The following COL4A2 variants were observed in gnomAD, a reference collection of about 807,000 sequenced individuals.
COL4A2 encodes the protein collagen type IV alpha 2 chain, also known as collagen alpha-2(IV) chain.
COL4A2 carries 99 observed loss-of-function variants against 200.2 expected under a neutral mutation model. The ratio of observed to expected loss-of-function variants is 0.49; its 90% CI spans 0.42 to 0.58. COL4A2 has a LOEUF of 0.58. Among genes scored for constraint, COL4A2 ranks in the 20% least tolerant of loss-of-function variants. COL4A2 has a pLI of 0.00. For missense variants in COL4A2, 1,950 were observed against 2,314.1 expected (o/e 0.84, Z 3.23); for synonymous variants, 897 against 900.6 (o/e 1.00, Z 0.07).
intron 4 of COL4A2, among the ~76,000 whole-genome samples, chr13:110,386,481 T>A (rs1323939263): frequency 1.3e-5 from 2 of 152,180 alleles, no homozygotes; most frequent in African/African-American, 4.8e-5. Context: ...ATTGGGTGTA[T>A]CCCTTAGTAT....
At chr13:110,434,252 A>G (rs993328371) in intron 11 of COL4A2, 149 bp from the exon 12 acceptor site, 2 of 686,008 alleles carry the variant, frequency 2.9e-6, no homozygotes, top group African/African-American at 3.6e-5. Context: ...ATTAGTTTCT[A>G]CAATGCAAAG....
chr13:110,508,288 C>T lies in COL4A2; in HGVS notation c.4881+67C>T, dbSNP rs1883959446. The stretch of plus-strand genomic sequence containing the variant: ...GCTGGGGACACAGCAAGAACAGCTG[C>T]CTTTGTGAGAAGAATCAGACACGGC... On this transcript the variant is annotated intron_variant, in intron 47 of 47. Transcript: ENST00000360467. The surrounding 1 kb of genome is among the most constrained non-coding windows in gnomAD (Gnocchi z 6.1). The T allele has an allele frequency of 1.3e-6, 2 of 1,581,144 alleles. No homozygotes were observed. The highest frequency in any genetic ancestry group is 1.2e-5 in the South Asian group (1 of 85,552).
At chr13:110,370,924 C>T (rs1566497614) in intron 4 of COL4A2, among the ~76,000 whole-genome samples, 1 of 152,218 alleles carries the variant, frequency 6.6e-6, no homozygotes, top group Non-Finnish European at 1.5e-5. Context: ...TCTGCATACC[C>T]TCAAGTTGAA....
At chr13:110,342,097 C>T (rs930163992) in intron 3 of COL4A2, among the ~76,000 whole-genome samples, 1 of 152,108 alleles carries the variant, frequency 6.6e-6, no homozygotes, top group East Asian at 1.9e-4. Flanking sequence ...ACCTCGGGTA[C>T]AAGATTCGGC....
chr13:110,453,482 C>T (rs1881616762), intron 20 of COL4A2, among the ~76,000 whole-genome samples: 1 of 151,816 alleles, frequency 6.6e-6, no homozygotes, highest in East Asian at 1.9e-4. Context: ...GCCTGGGGAA[C>T]AAGAGCAAAA....
At chr13:110,399,757 T>C (rs1480677276) in intron 4 of COL4A2, among the ~76,000 whole-genome samples, 2 of 152,246 alleles carry the variant, frequency 1.3e-5, no homozygotes, top group East Asian at 1.9e-4. Context: ...AATCTGATTA[T>C]GCCTGCCCTG....
At chr13:110,443,569 T>C (rs575533713) in intron 16 of COL4A2, among the ~76,000 whole-genome samples, 1 of 151,994 alleles carries the variant, frequency 6.6e-6, no homozygotes, top group Non-Finnish European at 1.5e-5. Flanking sequence ...TTCAAATGAG[T>C]GATAAGTTAT....
In COL4A2 at chr13:110,507,951, C is replaced by T; in HGVS notation, c.4611C>T (p.Cys1537=). The T allele has an allele frequency of 6.2e-7, 1 of 1,613,878 alleles. No homozygotes were observed. The highest frequency in any genetic ancestry group is 1.3e-5 in the African/African-American group (1 of 75,066). ...HNQDLGLAGS[C]LARFSTMPFL... is the part of the protein sequence containing the mutation. The stretch of plus-strand genomic sequence containing the variant: ...CTTCCACAGGGCTGGCGGGCTCCTG[C>T]CTGGCGCGGTTCAGCACCATGCCCT... The change falls in exon 47 of 48, where the codon TGC becomes TGT. Residue 1537 remains cysteine (C), a synonymous_variant. Coordinates refer to ENST00000360467, the MANE Select transcript of COL4A2 (RefSeq NM_001846.4).
intron 22 of COL4A2, among the ~76,000 whole-genome samples, chr13:110,461,084 C>T (rs1882009483): frequency 6.6e-6 from 1 of 152,246 alleles, no homozygotes; most frequent in Non-Finnish European, 1.5e-5. Flanking sequence ...GTACCCTGCT[C>T]ATCGTGGAAA....
chr13:110,506,120 G>A (rs1220237403), intron 45 of COL4A2, among the ~76,000 whole-genome samples: 1 of 152,192 alleles, frequency 6.6e-6, no homozygotes, highest in African/African-American at 2.4e-5. Flanking sequence ...TGGGGCGGCT[G>A]TCAAGGGGGC....
intron 18 of COL4A2, among the ~76,000 whole-genome samples, chr13:110,447,584 ACCT>A (rs1881375748): frequency 6.6e-6 from 1 of 151,286 alleles, no homozygotes. Context: ...TGTTTCGAGA[ACCT>A]CCTCCTGATA....
At chr13:110,472,900 GT>G in intron 28 of COL4A2, 28 bp from the exon 29 acceptor site, 1 of 1,544,082 alleles carries the variant, frequency 6.5e-7, no homozygotes, top group African/African-American at 1.4e-5. Context: ...CTAACTTGTG[GT>G]TTGGGGCCCA....
intron 28 of COL4A2, among the ~76,000 whole-genome samples, chr13:110,471,250 G>A (rs895527981): frequency 2.0e-5 from 3 of 152,212 alleles, no homozygotes; most frequent in Non-Finnish European, 4.4e-5. Context: ...CTGTAGGGGG[G>A]AATGGATGGG....
chr13:110,479,803 T>C (rs1370177092), intron 30 of COL4A2, among the ~76,000 whole-genome samples: 1 of 152,006 alleles, frequency 6.6e-6, no homozygotes, highest in Non-Finnish European at 1.5e-5. Context: ...CAGCAGCAAA[T>C]GGGCAGCTGG....
intron 28 of COL4A2, 100 bp downstream of exon 28, chr13:110,469,424 C>T (rs1594091626): frequency 1.6e-6 from 2 of 1,241,320 alleles, no homozygotes; most frequent in East Asian, 2.6e-5. Flanking sequence ...TTTGTAGAAG[C>T]TGTTTTAACA....
Position 110,441,559 on chromosome 13 carries a change from G to A in COL4A2, c.957+1726G>A, listed in dbSNP as rs9588164. ...TACTGATCGGAGTACTCCCAAAGGC[G>A]GCACACCTAGAACAAGAGCTATCCA... On this transcript the variant is annotated intron_variant, in intron 16 of 47. Coordinates refer to ENST00000360467, the MANE Select transcript of COL4A2 (RefSeq NM_001846.4). 7.0e-3 allele frequency among the ~76,000 whole-genome samples: 1,064 copies of A among 152,104 alleles called. 7 individuals are homozygous for A. Among genetic ancestry groups the A allele is most frequent in the African/African-American group, 0.022 (911 of 41,488 alleles).
At chr13:110,392,279 C>T (rs1040537737) in intron 4 of COL4A2, among the ~76,000 whole-genome samples, 2 of 152,178 alleles carry the variant, frequency 1.3e-5, no homozygotes, top group African/African-American at 4.8e-5. Context: ...TTTATTCTTG[C>T]ATTCACGTTC....
intron 28 of COL4A2, 126 bp downstream of exon 28, chr13:110,469,450 T>C: frequency 1.0e-6 from 1 of 1,004,802 alleles, no homozygotes; most frequent in Non-Finnish European, 1.4e-6. Context: ...TTGACAACTT[T>C]TGCATTTGTC....
chr13:110,438,818 A>ACACG, intron 15 of COL4A2, 150 bp downstream of exon 15: 1 of 646,956 alleles, frequency 1.5e-6, no homozygotes, highest in Non-Finnish European at 2.6e-6. Flanking sequence ...CCCCACACAC[A>ACACG]CACACAGCAG....
Sources: allele counts gnomAD v4.1 joint callset (sites outside exome capture counted in the v4.1 genomes callset), GRCh38; gene constraint gnomAD v4.1.1; non-coding constraint Gnocchi (gnomAD v3.1); transcripts MANE v1.5; gene names NCBI Gene and HGNC (gene_info 2026-07-23, HGNC 2026-07-21).